BAZ1A: variants seen among roughly 807,000 people sequenced by gnomAD.
BAZ1A encodes bromodomain adjacent to zinc finger domain protein 1A.
BAZ1A carries 50 observed loss-of-function variants against 185.2 expected under a neutral mutation model. The ratio of observed to expected loss-of-function variants is 0.27; its 90% CI spans 0.22 to 0.34. The LOEUF is 0.34. BAZ1A is among the 10% of genes least tolerant of loss of function. The probability of loss-of-function intolerance (pLI) is 1.00; values close to 1 mark genes in which losing one functional copy is unlikely to be tolerated. For missense variants in BAZ1A, 1,356 were observed against 1,839.9 expected (o/e 0.74, Z 4.81); for synonymous variants, 571 against 615.6 (o/e 0.93, Z 1.07).
rs540616025 is a variant in BAZ1A, at chr14:34,759,284, C to T, written c.4244-438G>A. 1.3e-3 allele frequency among the ~76,000 whole-genome samples: 188 copies of T among 148,320 alleles called. 1 individual carries two copies. The highest frequency in any genetic ancestry group is 3.5e-3 in the Middle Eastern group (1 of 284). On this transcript the variant is annotated intron_variant, in intron 24 of 26. Transcript: ENST00000360310. ...AAAGCTCCGCCTCCTGGGTTCATGC[C>T]ATTCTCCTGTCTCAGCCTCCTGAGT...
intron 3 of BAZ1A, among the ~76,000 whole-genome samples, chr14:34,853,537 C>A (rs1435856847): frequency 1.3e-5 from 2 of 152,190 alleles, no homozygotes; most frequent in Non-Finnish European, 2.9e-5. Flanking sequence ...GTAATCCCAG[C>A]ACTTTGGGAG....
At chr14:34,835,482 G>T (rs2042313597) in intron 3 of BAZ1A, among the ~76,000 whole-genome samples, 1 of 151,784 alleles carries the variant, frequency 6.6e-6, no homozygotes, top group Admixed American at 6.6e-5. Context: ...GAGTTGAAGG[G>T]AATGGAAACA....
intron 7 of BAZ1A, 35 bp from the exon 8 acceptor site, chr14:34,801,228 T>C: frequency 1.4e-6 from 2 of 1,474,954 alleles, no homozygotes; most frequent in South Asian, 2.5e-5. Context: ...GCCTGGTTCT[T>C]ATAGTAAGAA....
chr14:34,865,345 T>C (rs1437929888), intron 2 of BAZ1A, among the ~76,000 whole-genome samples: 1 of 152,224 alleles, frequency 6.6e-6, no homozygotes, highest in Non-Finnish European at 1.5e-5. Flanking sequence ...TTTTTCCTGC[T>C]TTACACTTTG....
intron 3 of BAZ1A, among the ~76,000 whole-genome samples, chr14:34,855,274 C>A (rs1040165508): frequency 1.3e-5 from 2 of 152,178 alleles, no homozygotes; most frequent in Non-Finnish European, 2.9e-5. Context: ...CATACTTCAA[C>A]CACTCACAGG....
chr14:34,784,051 A>C, intron 14 of BAZ1A, 124 bp from the exon 15 acceptor site: 1 of 850,866 alleles, frequency 1.2e-6, no homozygotes, highest in Non-Finnish European at 1.7e-6. Context: ...TCTCTCAAAC[A>C]TGTCAATGAC....
At position 34,754,930 on chromosome 14, in the gene BAZ1A, A is replaced by G; in HGVS notation, c.4387-16T>C. Reference sequence around the variant, plus strand: ...AGTCTGGGACCTGTAAAATAATTCAAATATCTCTGTCCACACAGAAAACTT... The same window carrying G: ...AGTCTGGGACCTGTAAAATAATTCAGATATCTCTGTCCACACAGAAAACTT... On this transcript the variant is annotated splice_polypyrimidine_tract_variant and intron_variant, in intron 25 of 26. Coordinates refer to ENST00000360310, the MANE Select transcript of BAZ1A (RefSeq NM_013448.3). 6.4e-7 allele frequency: 1 copy of G among 1,558,952 alleles called. No homozygotes were observed. Among genetic ancestry groups the G allele is most frequent in the Non-Finnish European group, 8.7e-7 (1 of 1,150,216 alleles).
intron 26 of BAZ1A, 143 bp downstream of exon 26, chr14:34,754,684 G>A: frequency 3.7e-6 from 2 of 537,620 alleles, no homozygotes; most frequent in South Asian, 4.9e-5. Context: ...CTCATGGAAT[G>A]CCATCTACAC....
At chr14:34,756,179 T>C (rs1221642606) in intron 25 of BAZ1A, among the ~76,000 whole-genome samples, 1 of 149,648 alleles carries the variant, frequency 6.7e-6, no homozygotes, top group African/African-American at 2.5e-5. Flanking sequence ...AGTGGCACGA[T>C]CTCGGCTCAC....
intron 20 of BAZ1A, among the ~76,000 whole-genome samples, chr14:34,771,977 GAC>G (rs1879256311): frequency 6.6e-6 from 1 of 151,796 alleles, no homozygotes; most frequent in African/African-American, 2.4e-5. Context: ...GCTTTTTTGA[GAC>G]AGTCTCGCAC....
intron 25 of BAZ1A, among the ~76,000 whole-genome samples, chr14:34,756,182 C>T (rs1384501206): frequency 4.0e-5 from 6 of 148,686 alleles, no homozygotes; most frequent in Admixed American, 1.3e-4. Flanking sequence ...GGCACGATCT[C>T]GGCTCACTGC....
intron 18 of BAZ1A, 126 bp downstream of exon 18, chr14:34,775,793 A>C: frequency 1.4e-6 from 1 of 709,776 alleles, no homozygotes; most frequent in Non-Finnish European, 2.3e-6. Flanking sequence ...AACTAAAAGG[A>C]CAGCCTAAAT....
intron 4 of BAZ1A, among the ~76,000 whole-genome samples, chr14:34,819,213 C>T (rs970164547): frequency 3.3e-5 from 5 of 149,488 alleles, no homozygotes; most frequent in African/African-American, 9.9e-5. Flanking sequence ...AAATGAAATT[C>T]GTGCATAGGG....
chr14:34,753,479 C>T lies in BAZ1A; in HGVS notation c.*29G>A. ...CCATTTTCATGAACAATTTGTTTTT[C>T]TTCAAATATATCCTTTAGAAGGACA... On this transcript the variant is annotated 3_prime_UTR_variant, in exon 27 of 27. Transcript: ENST00000360310. 6.2e-7 allele frequency: 1 copy of T among 1,610,022 alleles called. No individual in the cohort carries two copies. The highest frequency in any genetic ancestry group is 8.5e-7 in the Non-Finnish European group (1 of 1,177,204).
rs537698211 is a variant in BAZ1A at position 34,857,196 on chromosome 14, T to C, written c.392+4848A>G. Among the ~76,000 whole-genome samples the C allele has an allele frequency of 1.6e-3, 245 of 152,002 alleles. 2 individuals are homozygous for C. Among genetic ancestry groups the C allele is most frequent in the Middle Eastern group, 3.4e-3 (1 of 294 alleles). ...TAACTTTTTGTATTTTTAGTAGAGA[T>C]GGGGTTTCACCGTGTTAGCCAGGAT... On this transcript the variant is annotated intron_variant, in intron 3 of 26. Transcript: ENST00000360310.
chr14:34,831,331 A>G (rs1244154687), intron 3 of BAZ1A, among the ~76,000 whole-genome samples: 1 of 152,152 alleles, frequency 6.6e-6, no homozygotes, highest in Non-Finnish European at 1.5e-5. Flanking sequence ...CTTTTCTAAG[A>G]TTTTTAAACT....
chr14:34,781,561 G>C (rs1351198221), intron 16 of BAZ1A, among the ~76,000 whole-genome samples: 1 of 148,130 alleles, frequency 6.8e-6, no homozygotes, highest in South Asian at 2.1e-4. Flanking sequence ...ATCTCACTCT[G>C]CTGCCCAGGC....
chr14:34,791,693 A>C (rs1594844645), intron 12 of BAZ1A, among the ~76,000 whole-genome samples: 3 of 152,324 alleles, frequency 2.0e-5, no homozygotes, highest in Admixed American at 2.0e-4. Flanking sequence ...GTCTCCTAAC[A>C]GTTCTGTTTT....
chr14:34,873,032 T>C (rs8011755), intron 2 of BAZ1A, among the ~76,000 whole-genome samples: 108,919 of 151,666 alleles, frequency 0.72, 39,516 homozygotes, highest in Non-Finnish European at 0.78. Flanking sequence ...CAGAGCGAGA[T>C]GTGCACTCCT....
Sources: gnomAD v4.1 joint callset for allele counts (sites outside exome capture counted in the v4.1 genomes callset) on GRCh38, gnomAD v4.1.1 for gene constraint, MANE v1.5 for transcripts, NCBI Gene and HGNC (gene_info 2026-07-23, HGNC 2026-07-21) for gene names.